Variants in DCLK1 observed in about 807,000 individuals in gnomAD.
The protein encoded by DCLK1 is doublecortin like kinase 1, also known as serine/threonine-protein kinase DCLK1.
Under a neutral mutation model 86.2 loss-of-function variants are expected in DCLK1, and 16 were observed. The ratio of observed to expected loss-of-function variants is 0.19; its 90% CI spans 0.13 to 0.28. The LOEUF is 0.28. Among genes scored for constraint, DCLK1 ranks in the 10% least tolerant of loss-of-function variants. The probability of loss-of-function intolerance (pLI) is 1.00; values close to 1 mark genes in which losing one functional copy is unlikely to be tolerated. For missense variants in DCLK1, 590 were observed against 940.2 expected (o/e 0.63, Z 4.87); for synonymous variants, 369 against 370.5 (o/e 1.00, Z 0.05).
intron 3 of DCLK1, among the ~76,000 whole-genome samples, chr13:36,083,035 T>C (rs1884473344): frequency 1.4e-5 from 2 of 146,164 alleles, no homozygotes; most frequent in African/African-American, 2.4e-5. Context: ...TGAAATCTCA[T>C]TTGAATTTGC....
intron 3 of DCLK1, among the ~76,000 whole-genome samples, chr13:36,047,243 AG>A (rs911742805): frequency 6.6e-6 from 1 of 152,240 alleles, no homozygotes; most frequent in Non-Finnish European, 1.5e-5. Flanking sequence ...AATGTAAATT[AG>A]TACAGCCATT....
chr13:35,822,098 T>C (rs2087408221), intron 11 of DCLK1, among the ~76,000 whole-genome samples: 1 of 152,208 alleles, frequency 6.6e-6, no homozygotes, highest in Non-Finnish European at 1.5e-5. Flanking sequence ...TAAAAGGGCT[T>C]CCTTTTTTTT....
In DCLK1 at chr13:35,775,426, T is replaced by C. The variant is rs918437026; in HGVS notation, c.2059-727A>G. Reference sequence around the variant, plus strand: ...TTTGTAGGTATTCCAACTCCCAGTCTCTATGCCTCAATTTCCTGAGGAGAC... The same window carrying C: ...TTTGTAGGTATTCCAACTCCCAGTCCCTATGCCTCAATTTCCTGAGGAGAC... On this transcript the variant is annotated intron_variant, in intron 16 of 16. Coordinates refer to ENST00000360631, the MANE Select transcript of DCLK1 (RefSeq NM_001330071.2). 2.6e-5 allele frequency among the ~76,000 whole-genome samples: 4 copies of C among 152,246 alleles called. No individual in the cohort carries two copies. The South Asian group carries it at 8.3e-4, about 31-fold the overall frequency.
At chr13:35,850,129 C>T (rs1593659510) in intron 6 of DCLK1, 19 of 984,956 alleles carry the variant, frequency 1.9e-5, no homozygotes, top group Non-Finnish European at 2.3e-5. Context: ...CTTTTTCTCT[C>T]GGATGTACTA....
chr13:35,919,296 T>C (rs1875640191), intron 4 of DCLK1, among the ~76,000 whole-genome samples: 1 of 152,138 alleles, frequency 6.6e-6, no homozygotes, highest in Non-Finnish European at 1.5e-5. Flanking sequence ...AGAACAAATA[T>C]CTATTCCTTT....
chr13:35,937,913 G>T (rs1202686375), intron 4 of DCLK1, among the ~76,000 whole-genome samples: 3 of 152,064 alleles, frequency 2.0e-5, no homozygotes, highest in Non-Finnish European at 4.4e-5. Context: ...ATGACTGGAG[G>T]CTCTTTTAGG....
intron 3 of DCLK1, among the ~76,000 whole-genome samples, chr13:35,969,846 C>G (rs182849806): frequency 6.3e-4 from 96 of 152,220 alleles, no homozygotes; most frequent in Non-Finnish European, 1.2e-3. Context: ...TGTGATTAGG[C>G]ATGACAGTGA....
intron 3 of DCLK1, among the ~76,000 whole-genome samples, chr13:36,091,330 G>T (rs1045819945): frequency 6.6e-6 from 1 of 152,042 alleles, no homozygotes; most frequent in African/African-American, 2.4e-5. Context: ...AAACCTGCAC[G>T]TTCTGCACAT....
Position 35,975,026 on chromosome 13 carries a change from C to T in DCLK1, c.724-27569G>A, listed in dbSNP as rs1282500348. Reference sequence around the variant, plus strand: ...AGGTGCCATTTCCATGCTTAGTGTGCTGTGAAAAAAGTGAGGGCAGAGCTT... The same window carrying T: ...AGGTGCCATTTCCATGCTTAGTGTGTTGTGAAAAAAGTGAGGGCAGAGCTT... On this transcript the variant is annotated intron_variant, in intron 3 of 16. Transcript: ENST00000360631. Among the ~76,000 whole-genome samples the T allele has an allele frequency of 2.6e-5, 4 of 152,294 alleles. No homozygotes were observed. In the East Asian group the frequency reaches 7.7e-4, roughly 29 times the overall value.
At chr13:35,827,853 CA>C in intron 9 of DCLK1, 99 bp from the exon 10 acceptor site, 1 of 1,436,950 alleles carries the variant, frequency 7.0e-7, no homozygotes, top group South Asian at 1.3e-5. Context: ...AAGAGAGATG[CA>C]TTTTGGTAAA....
chr13:36,062,443 G>A (rs1883585414), intron 3 of DCLK1, among the ~76,000 whole-genome samples: 2 of 152,078 alleles, frequency 1.3e-5, no homozygotes, highest in South Asian at 2.1e-4. Context: ...AACAGGTGGA[G>A]AACAACCCAC....
intron 5 of DCLK1, among the ~76,000 whole-genome samples, chr13:35,861,533 T>C (rs1248636220): frequency 6.6e-6 from 1 of 152,146 alleles, no homozygotes; most frequent in Non-Finnish European, 1.5e-5. Context: ...CCCCCTGCCA[T>C]CTGGTATTGC....
chr13:36,056,025 A>C (rs1473083053), intron 3 of DCLK1, among the ~76,000 whole-genome samples: 1 of 150,350 alleles, frequency 6.7e-6, no homozygotes, highest in Non-Finnish European at 1.5e-5. Context: ...GTGGGACTGT[A>C]AACTAGTTCA....
At chr13:35,905,494 G>A (rs939350884) in intron 4 of DCLK1, among the ~76,000 whole-genome samples, 36 of 152,274 alleles carry the variant, frequency 2.4e-4, no homozygotes, top group African/African-American at 8.4e-4. Context: ...AAGCCCATGA[G>A]GTCAAAGCTC....
Position 36,112,110 on chromosome 13 carries a change from C to T in DCLK1, c.482G>A (p.Arg161Gln), listed in dbSNP as rs1566017267. The T allele has an allele frequency of 2.5e-6, 4 of 1,613,750 alleles. No individual in the cohort carries two copies. The highest frequency in any genetic ancestry group is 2.5e-6 in the Non-Finnish European group (3 of 1,179,706). The stretch of plus-strand genomic sequence containing the variant: ...GGCAGTGGCCAGTGAAGACACTGCC[C>T]GAGAAGCCGAGGTGGTCTTGACGTT... ...SVNVKTTSASRAVSSLATAKG... is the reference protein window; with the variant it reads ...SVNVKTTSASQAVSSLATAKG... Residue 161 changes from arginine to glutamine, a missense_variant, in exon 3 of 17, where the codon CGG (arginine) becomes CAG (glutamine). Transcript: ENST00000360631.
intron 3 of DCLK1, among the ~76,000 whole-genome samples, chr13:36,094,302 G>A (rs889937846): frequency 5.9e-5 from 9 of 152,036 alleles, no homozygotes; most frequent in African/African-American, 9.6e-5. Flanking sequence ...ACACCTTAAC[G>A]TGCTTTATAA....
chr13:35,975,943 G>A (rs1033709571), intron 3 of DCLK1, among the ~76,000 whole-genome samples: 1 of 152,160 alleles, frequency 6.6e-6, no homozygotes, highest in Non-Finnish European at 1.5e-5. Flanking sequence ...TCCCTGTAAT[G>A]TGTCAGGGGA....
intron 16 of DCLK1, among the ~76,000 whole-genome samples, chr13:35,787,107 A>G (rs1337357808): frequency 6.6e-6 from 1 of 150,962 alleles, no homozygotes; most frequent in African/African-American, 2.4e-5. Flanking sequence ...ATACACACAC[A>G]TACACATTAT....
intron 2 of DCLK1, among the ~76,000 whole-genome samples, chr13:36,117,183 C>G (rs1027193278): frequency 6.6e-6 from 1 of 151,792 alleles, no homozygotes; most frequent in African/African-American, 2.4e-5. Flanking sequence ...AATGAGAGAT[C>G]TAAACTTTTT....
Sources: allele counts gnomAD v4.1 joint callset (sites outside exome capture counted in the v4.1 genomes callset), GRCh38; gene constraint gnomAD v4.1.1; transcripts MANE v1.5; gene names NCBI Gene and HGNC (gene_info 2026-07-23, HGNC 2026-07-21).